NEUROG3: variants seen among roughly 807,000 people sequenced by gnomAD.
NEUROG3 encodes the protein neurogenin-3.
For synonymous variants in NEUROG3, 161 were observed against 139.2 expected (o/e 1.16, Z -1.10); for missense variants, 307 against 297.9 (o/e 1.03, Z -0.22).
chr10:69,572,292 G>A lies in NEUROG3; in HGVS notation c.*107C>T, dbSNP rs1437960345. 1.8e-5 allele frequency: 23 copies of A among 1,300,722 alleles called. No homozygotes were observed. The highest frequency in any genetic ancestry group is 1.9e-5 in the Non-Finnish European group (18 of 938,250). 80.6% of individuals were successfully genotyped at this position (1,300,722 alleles called of 1,614,324 possible). On this transcript the variant is annotated 3_prime_UTR_variant, in exon 2 of 2. Transcript: ENST00000242462. Reference sequence around the variant, plus strand: ...GGGGTCAGCCAGGGAGAAGCAGAAGGAACAAGTGCTTTTGAGGGCCGCCGC... The same window carrying A: ...GGGGTCAGCCAGGGAGAAGCAGAAGAAACAAGTGCTTTTGAGGGCCGCCGC...
At position 69,572,924 on chromosome 10, in the gene NEUROG3, A is replaced by AGTGGGGCTGGGCGGGGCGGAC; in HGVS notation, c.99_119dup (p.Ser34_Thr40dup). Reference sequence around the variant, plus strand: ...CCTCTGCGCAGTTCCCCCGTGTGCGAGTGGGGCTGGGCGGGGCGGACGTGG... The same window carrying AGTGGGGCTGGGCGGGGCGGAC: ...CCTCTGCGCAGTTCCCCCGTGTGCGAGTGGGGCTGGGCGGGGCGGACGTGGGGCTGGGCGGGGCGGACGTGG... On this transcript the variant is annotated inframe_insertion, in exon 2 of 2. Transcript: ENST00000242462. The AGTGGGGCTGGGCGGGGCGGAC allele has an allele frequency of 6.2e-7, 1 of 1,612,278 alleles. No homozygotes were observed. The highest frequency in any genetic ancestry group is 8.5e-7 in the Non-Finnish European group (1 of 1,179,804).
rs1839242199 is a variant in NEUROG3 at position 69,573,205 on chromosome 10, A to G, written c.-2+5T>C. ...GCCCGTCCCTCGGAGGCCTCCAAAT[A>G]TTACCTTTCTACCGGCGCAAAAGAA... On this transcript the variant is annotated splice_donor_5th_base_variant and intron_variant, in intron 1 of 1. Coordinates refer to ENST00000242462, the MANE Select transcript of NEUROG3 (RefSeq NM_020999.4). 7 of 732,156 alleles carry G rather than the reference A, an allele frequency of 9.6e-6. No individual in the cohort carries two copies. In the East Asian group the frequency reaches 1.9e-4, roughly 20 times the overall value. 45.4% of individuals were successfully genotyped at this position (732,156 alleles called of 1,614,324 possible). A position where few individuals can be genotyped will look rare whatever the true frequency, so the allele number is the denominator to read the frequency against.
At position 69,572,549 on chromosome 10, in the gene NEUROG3, G is replaced by T; in HGVS notation, c.495C>A (p.Ser165=). The T allele has an allele frequency of 1.2e-6, 2 of 1,609,618 alleles. No homozygotes were observed. The highest frequency in any genetic ancestry group is 1.7e-6 in the Non-Finnish European group (2 of 1,177,984). The change falls in exon 2 of 2, where the codon TCC becomes TCA. Residue 165 remains serine, a synonymous_variant. Transcript: ENST00000242462. ...HCGELGSPGG[S]PGDWGSLYSP... ...AGTAGAGGGACCCCCAGTCCCCGGGGGAACCGCCTGGGCTGCCCAGCTCCC... is the reference window on the plus strand; with the variant it reads ...AGTAGAGGGACCCCCAGTCCCCGGGTGAACCGCCTGGGCTGCCCAGCTCCC...
chr10:69,573,077 A>G, intron 1 of NEUROG3, 33 bp from the exon 2 acceptor site: 2 of 1,598,232 alleles, frequency 1.3e-6, no homozygotes, highest in Non-Finnish European at 1.7e-6. Flanking sequence ...GGTAAGTTTG[A>G]GTCCGTCACT....
Position 69,572,124 on chromosome 10 carries a change from G to A in NEUROG3, c.*275C>T. ...ATTCTTTGAATGAGATTATGGGGTG[G>A]TGGCAGAGAGGAGGCCTAAAATGAG... On this transcript the variant is annotated 3_prime_UTR_variant, in exon 2 of 2. Transcript: ENST00000242462. 1.8e-6 allele frequency: 1 copy of A among 556,860 alleles called. No individual in the cohort carries two copies. Among genetic ancestry groups the A allele is most frequent in the Non-Finnish European group, 3.2e-6 (1 of 310,684 alleles). The allele number at this position is 556,860 out of a possible 1,614,324, so 34.5% of individuals were successfully genotyped here. A position where few individuals can be genotyped will look rare whatever the true frequency, so the allele number is the denominator to read the frequency against.
In NEUROG3 at chr10:69,572,479, C is replaced by T; in HGVS notation, c.565G>A (p.Glu189Lys). 1 of 1,590,590 alleles carries T rather than the reference C, an allele frequency of 6.3e-7. No homozygotes were observed. The highest frequency in any genetic ancestry group is 8.6e-7 in the Non-Finnish European group (1 of 1,169,198). The change falls in exon 2 of 2, where the codon GAG (glutamate) becomes AAG (lysine). Residue 189 changes from glutamate (E) to lysine (K), a missense_variant. Physicochemically the swap from Glu to Lys is moderately conservative, Grantham distance 56. Coordinates refer to ENST00000242462, the MANE Select transcript of NEUROG3 (RefSeq NM_020999.4). ...GCCCCCAGCAGCCCGGGTCGCTCCT[C>T]CAGCGACGCGGCGGGACTCAGGCTG... Reference protein sequence around the residue: ...AGSLSPAASLEERPGLLGATF... With the variant: ...AGSLSPAASLKERPGLLGATF...
chr10:69,572,418 G>T lies in NEUROG3; in HGVS notation c.626C>A (p.Ala209Asp). The T allele has an allele frequency of 6.3e-7, 1 of 1,588,024 alleles. No individual in the cohort carries two copies. The highest frequency in any genetic ancestry group is 1.3e-5 in the African/African-American group (1 of 74,576). ...FSACLSPGSL[A>D]FSDFL ...GTCCTTTCACAGAAAATCTGAGAAAGCCAGACTGCCTGGGCTCAAGCAGGC... is the reference window on the plus strand; with the variant it reads ...GTCCTTTCACAGAAAATCTGAGAAATCCAGACTGCCTGGGCTCAAGCAGGC... Residue 209 changes from alanine (A) to aspartate (D), a missense_variant, in exon 2 of 2, where the codon GCT becomes GAT. Coordinates refer to ENST00000242462, the MANE Select transcript of NEUROG3 (RefSeq NM_020999.4).
Sources: gnomAD v4.1 joint callset for allele counts on GRCh38, gnomAD v4.1.1 for gene constraint, MANE v1.5 for transcripts, NCBI Gene and HGNC (gene_info 2026-07-23, HGNC 2026-07-21) for gene names.